The following DNM1 variants were observed in gnomAD, a reference collection of about 807,000 sequenced individuals.
DNM1 encodes the protein dynamin 1.
A neutral mutation model predicts 104.6 loss-of-function variants in DNM1; 29 were observed. That is an observed-to-expected ratio of 0.28 (90% CI 0.21 to 0.38). DNM1 has a LOEUF of 0.38. Among genes scored for constraint, DNM1 ranks in the 10% least tolerant of loss-of-function variants. The probability of loss-of-function intolerance (pLI) is 1.00; values close to 1 mark genes in which losing one functional copy is unlikely to be tolerated. For missense variants in DNM1, 640 were observed against 1,189.4 expected (o/e 0.54, Z 6.79); for synonymous variants, 445 against 475.8 (o/e 0.94, Z 0.84).
At chr9:128,242,837 C>T (rs1836461445) in intron 15 of DNM1, among the ~76,000 whole-genome samples, 1 of 152,136 alleles carries the variant, frequency 6.6e-6, no homozygotes, top group East Asian at 1.9e-4. Context: ...GGGGAGGCAC[C>T]CTCTCACCCA....
Position 128,247,330 on chromosome 9 carries a change from G to T in DNM1, c.1782-45G>T. The T allele has an allele frequency of 2.1e-6, 3 of 1,424,954 alleles. No individual in the cohort carries two copies. The highest frequency in any genetic ancestry group is 2.9e-6 in the Non-Finnish European group (3 of 1,021,508). 88.3% of individuals were successfully genotyped at this position (1,424,954 alleles called of 1,614,324 possible). A position where few individuals can be genotyped will look rare whatever the true frequency, so the allele number is the denominator to read the frequency against. On this transcript the variant is annotated intron_variant, in intron 16 of 21. Coordinates refer to ENST00000372923, the MANE Select transcript of DNM1 (RefSeq NM_004408.4). This position sits in a 1 kb window ranked among gnomAD's most constrained non-coding sequence, Gnocchi z 5.1. ...GGCATGCCCTTAACCCCCAGGGAGG[G>T]TCAGACTTTGCCCATCTGCCCTCAC...
rs141651183 is a variant in DNM1, at chr9:128,220,239, C to T, written c.747C>T (p.Thr249=). Residue 249 remains threonine, a synonymous_variant, in exon 6 of 22, where the codon ACC becomes ACT. Transcript: ENST00000372923. This position sits in a 1 kb window ranked among gnomAD's most constrained non-coding sequence, Gnocchi z 5.2. ...ACATTGATGGCAAGAAGGACATTAC[C>T]GCCGCCTTGGCTGCTGAACGAAAGT... is the stretch of plus-strand genomic sequence containing the variant. ...QKDIDGKKDI[T]AALAAERKFF... 1.4e-4 allele frequency: 234 copies of T among 1,614,188 alleles called. No individual in the cohort carries two copies. The African/African-American group carries it at 2.7e-3, about 19-fold the overall frequency.
In DNM1 at chr9:128,220,742, C is replaced by CGCGTGTGT. The variant is rs61020870; in HGVS notation, c.849+402_849+403insCGTGTGTG. On this transcript the variant is annotated intron_variant, in intron 6 of 21. Transcript: ENST00000372923. The surrounding 1 kb of genome is among the most constrained non-coding windows in gnomAD (Gnocchi z 5.2). The stretch of plus-strand genomic sequence containing the variant: ...CAGAACTGAAGTGCGCGCGCGCGCG[C>CGCGTGTGT]GTGTGTGTGTGTGTGTGTGTGTGTG... Among the ~76,000 whole-genome samples, 5 of 136,364 alleles carry CGCGTGTGT rather than the reference C, an allele frequency of 3.7e-5. No homozygotes were observed. The highest frequency in any genetic ancestry group is 1.1e-4 in the African/African-American group (4 of 37,810). 89.5% of individuals were successfully genotyped at this position (136,364 alleles called of 152,430 possible). A position where few individuals can be genotyped will look rare whatever the true frequency, so the allele number is the denominator to read the frequency against.
At chr9:128,234,907 C>T (rs1182399307) in intron 11 of DNM1, 2 of 152,160 alleles carry the variant, frequency 1.3e-5, no homozygotes, top group African/African-American at 4.8e-5. Context: ...ATTCTCCTGC[C>T]TCAGCTTCCC....
chr9:128,245,102 G>A lies in DNM1; in HGVS notation c.1672-1292G>A, dbSNP rs1055224048. The A allele has an allele frequency of 1.8e-5, 4 of 226,918 alleles. No homozygotes were observed. In the Admixed American group the frequency reaches 2.0e-4, roughly 11 times the overall value. 14.1% of individuals were successfully genotyped at this position (226,918 alleles called of 1,614,324 possible). A position where few individuals can be genotyped will look rare whatever the true frequency, so the allele number is the denominator to read the frequency against. On this transcript the variant is annotated intron_variant, in intron 15 of 21. Coordinates refer to ENST00000372923, the MANE Select transcript of DNM1 (RefSeq NM_004408.4). The surrounding 1 kb of genome is among the most constrained non-coding windows in gnomAD (Gnocchi z 5.2). Reference sequence around the variant, plus strand: ...CCGCTCCTACCTAGTGTCCAACCCCGAAGCACAGGGCGGGTGGTGGCGGGG... The same window carrying A: ...CCGCTCCTACCTAGTGTCCAACCCCAAAGCACAGGGCGGGTGGTGGCGGGG...
intron 15 of DNM1, chr9:128,244,736 A>G (rs1356516044): frequency 1.9e-6 from 1 of 533,906 alleles, no homozygotes; most frequent in Admixed American, 1.9e-5. Context: ...GGTCTAACCC[A>G]GCCCAGCCTA....
chr9:128,225,233 G>A (rs1835269694), intron 10 of DNM1, among the ~76,000 whole-genome samples: 1 of 152,160 alleles, frequency 6.6e-6, no homozygotes, highest in Non-Finnish European at 1.5e-5. Context: ...CCCCACTGCT[G>A]TCCCGGCCCC....
intron 11 of DNM1, 37 bp downstream of exon 11, chr9:128,234,144 T>C: frequency 6.7e-7 from 1 of 1,486,372 alleles, no homozygotes. Context: ...CGCGCCTTCC[T>C]TCCACTCCTG....
chr9:128,244,424 G>A (rs1307069879), intron 15 of DNM1, among the ~76,000 whole-genome samples: 1 of 152,022 alleles, frequency 6.6e-6, no homozygotes, highest in African/African-American at 2.4e-5. Context: ...AGGCTGGTGG[G>A]AGAGTGGTCT....
At chr9:128,235,806 C>T (rs1835976447) in intron 11 of DNM1, among the ~76,000 whole-genome samples, 2 of 152,150 alleles carry the variant, frequency 1.3e-5, no homozygotes, top group South Asian at 2.1e-4. Flanking sequence ...ACTCGACCTC[C>T]CAGGCTCAAG....
intron 21 of DNM1, 124 bp downstream of exon 21, chr9:128,251,064 G>A (rs1829487882): frequency 1.4e-6 from 1 of 720,640 alleles, no homozygotes. Flanking sequence ...CCAGGCAATC[G>A]GACTCTGGGT....
chr9:128,218,834 G>A lies in DNM1; in HGVS notation c.385+103G>A, dbSNP rs1320450440. 1.4e-6 allele frequency: 2 copies of A among 1,422,664 alleles called. No homozygotes were observed. Among genetic ancestry groups the A allele is most frequent in the Non-Finnish European group, 9.4e-7 (1 of 1,067,964 alleles). The allele number at this position is 1,422,664 out of a possible 1,614,324, so 88.1% of individuals were successfully genotyped here. ...CAGACTCCGCCCCTAGAATGACCCT[G>A]CCTCTGCATCATCCTATTCCAAGCT... On this transcript the variant is annotated intron_variant, in intron 3 of 21. Transcript: ENST00000372923. This position sits in a 1 kb window ranked among gnomAD's most constrained non-coding sequence, Gnocchi z 4.8.
chr9:128,243,945 G>T lies in DNM1; in HGVS notation c.1671+1600G>T, dbSNP rs1316646349. On this transcript the variant is annotated intron_variant, in intron 15 of 21. Coordinates refer to ENST00000372923, the MANE Select transcript of DNM1 (RefSeq NM_004408.4). The surrounding 1 kb of genome is among the most constrained non-coding windows in gnomAD (Gnocchi z 4.0). ...GTGCTGGGAGGCGGGGTGTGTTTGTGTGTGTGTGTGTGTGTGTGTGTGTGG... is the reference window on the plus strand; with the variant it reads ...GTGCTGGGAGGCGGGGTGTGTTTGTTTGTGTGTGTGTGTGTGTGTGTGTGG... Among the ~76,000 whole-genome samples the T allele has an allele frequency of 7.5e-6, 1 of 133,288 alleles. No individual in the cohort carries two copies. Among genetic ancestry groups the T allele is most frequent in the East Asian group, 1.9e-4 (1 of 5,162 alleles). The allele number at this position is 133,288 out of a possible 152,430, so 87.4% of individuals were successfully genotyped here.
chr9:128,237,482 A>G (rs1836089156), intron 11 of DNM1, among the ~76,000 whole-genome samples: 1 of 152,022 alleles, frequency 6.6e-6, no homozygotes, highest in Non-Finnish European at 1.5e-5. Flanking sequence ...GCTGATCTCG[A>G]ACTTGTGAAC....
intron 15 of DNM1, 44 bp downstream of exon 15, chr9:128,242,389 C>T (rs779874695): frequency 6.2e-6 from 7 of 1,128,218 alleles, no homozygotes; most frequent in Non-Finnish European, 9.5e-6. Flanking sequence ...GGCTGGTGGA[C>T]AGAGTCAGGC....
In DNM1 at chr9:128,218,863, C is replaced by A; in HGVS notation, c.385+132C>A. 1 of 1,371,462 alleles carries A rather than the reference C, an allele frequency of 7.3e-7. No individual in the cohort carries two copies. Among genetic ancestry groups the A allele is most frequent in the South Asian group, 1.4e-5 (1 of 71,122 alleles). The allele number at this position is 1,371,462 out of a possible 1,614,324, so 85.0% of individuals were successfully genotyped here. A position where few individuals can be genotyped will look rare whatever the true frequency, so the allele number is the denominator to read the frequency against. Reference sequence around the variant, plus strand: ...CTGCATCATCCTATTCCAAGCTCCACCCTGCCGTGATTCCGCCCACTTCCG... The same window carrying A: ...CTGCATCATCCTATTCCAAGCTCCAACCTGCCGTGATTCCGCCCACTTCCG... On this transcript the variant is annotated intron_variant, in intron 3 of 21. Coordinates refer to ENST00000372923, the MANE Select transcript of DNM1 (RefSeq NM_004408.4). This position sits in a 1 kb window ranked among gnomAD's most constrained non-coding sequence, Gnocchi z 4.8.
Position 128,250,751 on chromosome 9 carries a change from A to T in DNM1, c.2345A>T (p.Gln782Leu), listed in dbSNP as rs1829470390. ...RRSPTSSPTP[Q>L]RRAPAVPPAR... ...TCGCCCACGTCCAGCCCCACGCCGC[A>T]GCGCCGAGCCCCCGCCGTGCCCCCA... The change falls in exon 21 of 22, where the codon CAG becomes CTG. Residue 782 changes from glutamine to leucine, a missense_variant. Physicochemically the swap from Gln to Leu is moderately radical, Grantham distance 113 (BLOSUM62 -2). Around this residue, in one of 7 missense-constraint regions of DNM1, gnomAD observed 129 missense variants for 224.6 expected, o/e 0.57. Transcript: ENST00000372923. 1 of 1,433,712 alleles carries T rather than the reference A, an allele frequency of 7.0e-7. No individual in the cohort carries two copies. Among genetic ancestry groups the T allele is most frequent in the Non-Finnish European group, 9.1e-7 (1 of 1,098,254 alleles). 88.8% of individuals were successfully genotyped at this position (1,433,712 alleles called of 1,614,324 possible).
chr9:128,248,062 C>T lies in DNM1; in HGVS notation c.1905+127C>T. ...TCTGGATTGGGGCCAGGCGCAGTGG[C>T]TCACACCTGTAAACCCAACACTTTG... On this transcript the variant is annotated intron_variant, in intron 18 of 21. Transcript: ENST00000372923. This position sits in a 1 kb window ranked among gnomAD's most constrained non-coding sequence, Gnocchi z 5.6. 2 of 1,303,424 alleles carry T rather than the reference C, an allele frequency of 1.5e-6. No individual in the cohort carries two copies. The allele number at this position is 1,303,424 out of a possible 1,614,324, so 80.7% of individuals were successfully genotyped here. A position where few individuals can be genotyped will look rare whatever the true frequency, so the allele number is the denominator to read the frequency against.
In DNM1 at chr9:128,224,472, CT is replaced by C. The variant is rs1288041402; in HGVS notation, c.1335+84del. Reference sequence around the variant, plus strand: ...AGGCGCTCCTTCCCCATGTCCCCCCCTGCCTCCTCGGTAGCATGTACAGACC... The same window carrying C: ...AGGCGCTCCTTCCCCATGTCCCCCCCGCCTCCTCGGTAGCATGTACAGACC... On this transcript the variant is annotated intron_variant, in intron 10 of 21. Coordinates refer to ENST00000372923, the MANE Select transcript of DNM1 (RefSeq NM_004408.4). The surrounding 1 kb of genome is among the most constrained non-coding windows in gnomAD (Gnocchi z 4.3). 1.6e-5 allele frequency: 23 copies of C among 1,411,172 alleles called. No homozygotes were observed. Among genetic ancestry groups the C allele is most frequent in the South Asian group, 9.3e-5 (7 of 75,300 alleles). 87.4% of individuals were successfully genotyped at this position (1,411,172 alleles called of 1,614,324 possible).
Sources: gnomAD v4.1 joint callset for allele counts (sites outside exome capture counted in the v4.1 genomes callset) on GRCh38, gnomAD v4.1.1 for gene constraint, gnomAD v4.1.1 regional missense constraint, Gnocchi (gnomAD v3.1) non-coding constraint, MANE v1.5 for transcripts, NCBI Gene and HGNC (gene_info 2026-07-23, HGNC 2026-07-21) for gene names.